YWHAE: variants seen among roughly 807,000 people sequenced by gnomAD.
The protein encoded by YWHAE is tyrosine 3-monooxygenase/tryptophan 5-monooxygenase activation protein epsilon.
YWHAE carries 4 observed loss-of-function variants against 30.1 expected under a neutral mutation model. That is an observed-to-expected ratio of 0.13 (90% CI 0.07 to 0.30). The LOEUF (loss-of-function observed/expected upper bound fraction) is 0.30, where lower values mean the gene tolerates loss of function less well. YWHAE is among the 10% of genes least tolerant of loss of function. The pLI is 1.00. For missense variants in YWHAE, 121 were observed against 315.9 expected (o/e 0.38, Z 4.68); for synonymous variants, 118 against 111.8 (o/e 1.06, Z -0.35).
chr17:1,375,600 G>T (rs958650101), intron 1 of YWHAE, among the ~76,000 whole-genome samples: 1 of 152,124 alleles, frequency 6.6e-6, no homozygotes, highest in African/African-American at 2.4e-5. Context: ...TCATGGTTTG[G>T]GGACAAGGGT....
chr17:1,358,279 G>A (rs1380710237), intron 4 of YWHAE, among the ~76,000 whole-genome samples: 1 of 151,900 alleles, frequency 6.6e-6, no homozygotes, highest in Admixed American at 6.6e-5. Flanking sequence ...TCGCTCTGTC[G>A]CCCAGGCTGG....
intron 4 of YWHAE, among the ~76,000 whole-genome samples, chr17:1,355,827 C>G (rs902618991): frequency 2.0e-5 from 3 of 151,978 alleles, no homozygotes; most frequent in Admixed American, 2.0e-4. Flanking sequence ...TCACTTGAGG[C>G]CAGGAGTTCA....
At chr17:1,381,252 C>T (rs762206874) in intron 1 of YWHAE, among the ~76,000 whole-genome samples, 1 of 152,006 alleles carries the variant, frequency 6.6e-6, no homozygotes, top group Admixed American at 6.6e-5. Flanking sequence ...GGTGGGATTA[C>T]GCCTGTAATC....
chr17:1,347,189 AT>A (rs2072536618), intron 5 of YWHAE, among the ~76,000 whole-genome samples: 2 of 115,910 alleles, frequency 1.7e-5, no homozygotes, highest in African/African-American at 6.7e-5. Context: ...AAAAAAAAAA[AT>A]TAGCCAGGCA....
chr17:1,382,072 G>A (rs2073219029), intron 1 of YWHAE, among the ~76,000 whole-genome samples: 1 of 152,044 alleles, frequency 6.6e-6, no homozygotes, highest in South Asian at 2.1e-4. Flanking sequence ...GTTTTGAGAT[G>A]GAGTCTCGCT....
intron 2 of YWHAE, among the ~76,000 whole-genome samples, chr17:1,364,536 AT>A (rs1267915320): frequency 1.3e-5 from 2 of 152,062 alleles, no homozygotes; most frequent in South Asian, 2.1e-4. Flanking sequence ...AACCCACCAT[AT>A]TTTTTTAAAA....
chr17:1,354,146 C>A (rs371969312), intron 5 of YWHAE, 65 bp downstream of exon 5: 1 of 1,579,154 alleles, frequency 6.3e-7, no homozygotes, highest in South Asian at 1.2e-5. Flanking sequence ...CAAGGAATGT[C>A]TAAAGAGAGT....
rs868339071 is a variant in YWHAE, at chr17:1,382,175, T to C, written c.65-17117A>G. Among the ~76,000 whole-genome samples, 5 of 142,632 alleles carry C rather than the reference T, an allele frequency of 3.5e-5. No individual in the cohort carries two copies. In the South Asian group the frequency reaches 1.1e-3, roughly 33 times the overall value. 93.6% of individuals were successfully genotyped at this position (142,632 alleles called of 152,430 possible). On this transcript the variant is annotated intron_variant, in intron 1 of 5. Transcript: ENST00000264335. The stretch of plus-strand genomic sequence containing the variant: ...GCCATTCTCCTGCCTCAGCCTCCCA[T>C]GTAACTGGGACTTCAGGCGCCCACC...
chr17:1,365,839 A>G (rs1349341798), intron 1 of YWHAE, among the ~76,000 whole-genome samples: 3 of 152,156 alleles, frequency 2.0e-5, no homozygotes, highest in Admixed American at 6.6e-5. Context: ...TAGGGCCAGG[A>G]GTAAGTGGCT....
chr17:1,389,557 G>A (rs1461836429), intron 1 of YWHAE, among the ~76,000 whole-genome samples: 1 of 147,940 alleles, frequency 6.8e-6, no homozygotes, highest in African/African-American at 2.5e-5. Context: ...TTGAGATGGA[G>A]TCTCGCTCTG....
intron 1 of YWHAE, among the ~76,000 whole-genome samples, chr17:1,398,286 C>A (rs1395931898): frequency 1.3e-5 from 2 of 151,904 alleles, no homozygotes; most frequent in Middle Eastern, 3.4e-3. Context: ...GATTTTTAAA[C>A]ACTGAAATAA....
intron 5 of YWHAE, among the ~76,000 whole-genome samples, chr17:1,350,110 G>A (rs778250026): frequency 6.6e-6 from 1 of 151,756 alleles, no homozygotes; most frequent in Non-Finnish European, 1.5e-5. Flanking sequence ...GTGACACGAC[G>A]CCTGGCTAAT....
intron 1 of YWHAE, among the ~76,000 whole-genome samples, chr17:1,383,007 A>G (rs1162860360): frequency 6.6e-6 from 1 of 151,426 alleles, no homozygotes; most frequent in Non-Finnish European, 1.5e-5. Context: ...CCCAGGTGAC[A>G]AAGCAAGATT....
chr17:1,398,283 A>G (rs1177683794), intron 1 of YWHAE, among the ~76,000 whole-genome samples: 2 of 152,074 alleles, frequency 1.3e-5, no homozygotes, highest in Admixed American at 6.6e-5. Flanking sequence ...TTTGATTTTT[A>G]AACACTGAAA....
At chr17:1,378,223 T>C (rs10521112) in intron 1 of YWHAE, among the ~76,000 whole-genome samples, 74,810 of 152,068 alleles carry the variant, frequency 0.49, 19,739 homozygotes, top group African/African-American at 0.67. Flanking sequence ...CAGTCTTCAA[T>C]TGGATACTTC....
intron 5 of YWHAE, among the ~76,000 whole-genome samples, chr17:1,349,674 T>G (rs1350452848): frequency 6.6e-6 from 1 of 150,440 alleles, no homozygotes; most frequent in African/African-American, 2.5e-5. Flanking sequence ...AGTGCAGTGG[T>G]GCTATCTCGG....
At chr17:1,350,787 C>T (rs901746683) in intron 5 of YWHAE, among the ~76,000 whole-genome samples, 34 of 151,598 alleles carry the variant, frequency 2.2e-4, no homozygotes, top group Non-Finnish European at 3.4e-4. Context: ...TGGCCAGGCG[C>T]AGTGGCTCAC....
chr17:1,365,132 T>A, intron 1 of YWHAE, 74 bp from the exon 2 acceptor site: 1 of 1,478,744 alleles, frequency 6.8e-7, no homozygotes, highest in Non-Finnish European at 9.2e-7. Flanking sequence ...AAGTAGTTTT[T>A]TTCTGTCAAG....
At position 1,356,523 on chromosome 17, in the gene YWHAE, G is replaced by A. The variant is rs116288702; in HGVS notation, c.579-2176C>T. On this transcript the variant is annotated intron_variant, in intron 4 of 5. Transcript: ENST00000264335. ...AGCAGAAGCATGAGCAAAGGCATGC[G>A]AGTGACTTTAAACTGGAGCTACACG... is the stretch of plus-strand genomic sequence containing the variant. 6.5e-3 allele frequency among the ~76,000 whole-genome samples: 984 copies of A among 152,324 alleles called. 14 individuals are homozygous for A. The highest frequency in any genetic ancestry group is 0.015 in the African/African-American group (641 of 41,576).
Sources: gnomAD v4.1 joint callset for allele counts (sites outside exome capture counted in the v4.1 genomes callset) on GRCh38, gnomAD v4.1.1 for gene constraint, MANE v1.5 for transcripts, NCBI Gene and HGNC (gene_info 2026-07-23, HGNC 2026-07-21) for gene names.